The following FYN variants were observed in gnomAD, a reference collection of about 807,000 sequenced individuals.
FYN encodes the protein tyrosine-protein kinase Fyn.
Under a neutral mutation model 70.2 loss-of-function variants are expected in FYN, and 10 were observed. The observed-to-expected ratio is 0.14, with a 90% CI of 0.09 to 0.24. The LOEUF (loss-of-function observed/expected upper bound fraction) is 0.24, where lower values mean the gene tolerates loss of function less well. Among genes scored for constraint, FYN ranks in the 10% least tolerant of loss-of-function variants. The pLI is 1.00. For missense variants in FYN, 319 were observed against 673.1 expected, an observed-to-expected ratio of 0.47 and a Z score of 5.82; for synonymous variants, 236 against 248.6, an observed-to-expected ratio of 0.95 and a Z score of 0.48.
At chr6:111,676,987 T>A (rs1798554038) in intron 12 of FYN, among the ~76,000 whole-genome samples, 1 of 152,230 alleles carries the variant, frequency 6.6e-6, no homozygotes, top group Admixed American at 6.5e-5. Context: ...CAATAAGGAT[T>A]ATAATATATA....
chr6:111,661,967 G>C lies in FYN; in HGVS notation c.1406-20C>G. ...TCATGCCTGCAAAGACAAGCGCAGTGAGAGTGGGCACCCCGGGGATCCAGG... is the reference window on the plus strand; with the variant it reads ...TCATGCCTGCAAAGACAAGCGCAGTCAGAGTGGGCACCCCGGGGATCCAGG... On this transcript the variant is annotated intron_variant, in intron 13 of 13. Coordinates refer to ENST00000354650, the MANE Select transcript of FYN (RefSeq NM_002037.5). This position sits in a 1 kb window ranked among gnomAD's most constrained non-coding sequence, Gnocchi z 4.0. 1 of 1,580,962 alleles carries C rather than the reference G, an allele frequency of 6.3e-7. No homozygotes were observed. The highest frequency in any genetic ancestry group is 8.6e-7 in the Non-Finnish European group (1 of 1,161,400).
chr6:111,745,979 GTGGGTGA>G (rs1281309864), intron 3 of FYN, among the ~76,000 whole-genome samples: 1 of 152,216 alleles, frequency 6.6e-6, no homozygotes, highest in Non-Finnish European at 1.5e-5. Flanking sequence ...TTTCTCAAAT[GTGGGTGA>G]CCACTGTGTA....
chr6:111,769,285 CTAATTAG>C (rs1456620376), intron 3 of FYN, among the ~76,000 whole-genome samples: 1 of 152,190 alleles, frequency 6.6e-6, no homozygotes, highest in African/African-American at 2.4e-5. Flanking sequence ...GTTCTGGCCT[CTAATTAG>C]TAATATGGGA....
At chr6:111,685,777 C>A in intron 12 of FYN, among the ~76,000 whole-genome samples, 1 of 152,132 alleles carries the variant, frequency 6.6e-6, no homozygotes, top group Admixed American at 6.5e-5. Flanking sequence ...TTGCTCTTGA[C>A]CATTCATAAA....
At chr6:111,827,844 T>TG (rs1207545104) in intron 2 of FYN, among the ~76,000 whole-genome samples, 3 of 152,046 alleles carry the variant, frequency 2.0e-5, no homozygotes, top group Admixed American at 1.3e-4. Context: ...TTGGGGGAGA[T>TG]GGGGGAAACG....
chr6:111,852,773 A>C (rs187361974), intron 1 of FYN, among the ~76,000 whole-genome samples: 1 of 152,298 alleles, frequency 6.6e-6, no homozygotes, highest in East Asian at 1.9e-4. Context: ...ACACTGCCCT[A>C]CATTTTACAC....
intron 12 of FYN, among the ~76,000 whole-genome samples, chr6:111,690,917 A>T (rs999859041): frequency 6.6e-6 from 1 of 152,154 alleles, no homozygotes; most frequent in Non-Finnish European, 1.5e-5. Context: ...AGGCTTCTTG[A>T]TATCAGTAGC....
chr6:111,774,573 C>T (rs1271288527), intron 3 of FYN, among the ~76,000 whole-genome samples: 3 of 152,088 alleles, frequency 2.0e-5, no homozygotes, highest in African/African-American at 4.8e-5. Flanking sequence ...TCCCCATCCC[C>T]CCCACACACT....
chr6:111,850,476 G>A (rs564870469), intron 1 of FYN, among the ~76,000 whole-genome samples: 21 of 152,332 alleles, frequency 1.4e-4, no homozygotes, highest in South Asian at 2.1e-4. Flanking sequence ...AGAACCGTAC[G>A]TGGAGTGATG....
intron 13 of FYN, among the ~76,000 whole-genome samples, 174 bp from the exon 14 acceptor site, chr6:111,662,121 C>A (rs1057034086): frequency 2.0e-5 from 3 of 152,174 alleles, no homozygotes; most frequent in African/African-American, 7.2e-5. Context: ...AGAAGGAGTG[C>A]AGAACTGAGA....
At chr6:111,771,064 T>C (rs891330630) in intron 3 of FYN, among the ~76,000 whole-genome samples, 6 of 152,120 alleles carry the variant, frequency 3.9e-5, no homozygotes, top group Non-Finnish European at 8.8e-5. Flanking sequence ...GCTCTTTACC[T>C]GCACCATTCC....
intron 4 of FYN, among the ~76,000 whole-genome samples, chr6:111,716,409 A>G (rs1800644095): frequency 6.6e-6 from 1 of 152,212 alleles, no homozygotes; most frequent in Non-Finnish European, 1.5e-5. Context: ...TTTAAAAGTC[A>G]CGGTATCACT....
chr6:111,767,409 T>A (rs1278829816), intron 3 of FYN, among the ~76,000 whole-genome samples: 2 of 152,238 alleles, frequency 1.3e-5, no homozygotes, highest in Non-Finnish European at 2.9e-5. Context: ...ACTATTTTTT[T>A]ATTTTTCTTT....
intron 13 of FYN, among the ~76,000 whole-genome samples, chr6:111,669,065 T>A (rs1375342725): frequency 6.6e-6 from 1 of 152,196 alleles, no homozygotes; most frequent in African/African-American, 2.4e-5. Context: ...ATCAAGCGAC[T>A]AGATGTATTC....
chr6:111,727,201 A>G (rs1801228071), intron 3 of FYN, among the ~76,000 whole-genome samples: 1 of 152,154 alleles, frequency 6.6e-6, no homozygotes, highest in Non-Finnish European at 1.5e-5. Flanking sequence ...TACTAGGTGC[A>G]GTGAGTCACC....
chr6:111,730,275 T>A (rs1046977769), intron 3 of FYN, among the ~76,000 whole-genome samples: 1 of 152,164 alleles, frequency 6.6e-6, no homozygotes, highest in African/African-American at 2.4e-5. Context: ...ATGCAGAGGA[T>A]CCTGTAGGGG....
chr6:111,730,147 C>T (rs908177500), intron 3 of FYN, among the ~76,000 whole-genome samples: 2 of 152,146 alleles, frequency 1.3e-5, no homozygotes, highest in Non-Finnish European at 2.9e-5. Context: ...AGCGTGTGCT[C>T]TTAACTAATC....
At chr6:111,737,745 A>C (rs1471090664) in intron 3 of FYN, among the ~76,000 whole-genome samples, 3 of 152,164 alleles carry the variant, frequency 2.0e-5, no homozygotes, top group Non-Finnish European at 2.9e-5. Context: ...GATAAGGCTC[A>C]AAGTCCCAAC....
At chr6:111,786,909 GTTGT>G (rs1771411659) in intron 2 of FYN, among the ~76,000 whole-genome samples, 2 of 152,168 alleles carry the variant, frequency 1.3e-5, no homozygotes, top group Non-Finnish European at 2.9e-5. Context: ...TGTTGATGGG[GTTGT>G]TTGATTTTTT....
Sources: gnomAD v4.1 joint callset for allele counts (sites outside exome capture counted in the v4.1 genomes callset) on GRCh38, gnomAD v4.1.1 for gene constraint, Gnocchi (gnomAD v3.1) non-coding constraint, MANE v1.5 for transcripts, NCBI Gene and HGNC (gene_info 2026-07-23, HGNC 2026-07-21) for gene names.